The following MAPKBP1 variants were observed in gnomAD, a reference collection of about 807,000 sequenced individuals.
MAPKBP1 encodes the protein mitogen-activated protein kinase-binding protein 1.
A neutral mutation model predicts 170.5 loss-of-function variants in MAPKBP1; 71 were observed. That is an observed-to-expected ratio of 0.42 (90% CI 0.34 to 0.51). The LOEUF is 0.51. MAPKBP1 is among the 20% of genes least tolerant of loss of function. The pLI is 0.06. For synonymous variants in MAPKBP1, 719 were observed against 757.9 expected (o/e 0.95, Z 0.84); for missense variants, 1,598 against 1,933.0 (o/e 0.83, Z 3.25).
In MAPKBP1 at chr15:41,813,922, G is replaced by A. The variant is rs542206437; in HGVS notation, c.980+141G>A. 165 of 1,016,838 alleles carry A rather than the reference G, an allele frequency of 1.6e-4. No individual in the cohort carries two copies. The African/African-American group carries it at 2.5e-3, about 16-fold the overall frequency. The allele number at this position is 1,016,838 out of a possible 1,614,324, so 63.0% of individuals were successfully genotyped here. On this transcript the variant is annotated intron_variant, in intron 9 of 30. Transcript: ENST00000457542. ...ACACCTCTTTAGACAGAAGAATTTGGGTTTATTGGTACTTGTTGCAACCAA... is the reference window on the plus strand; with the variant it reads ...ACACCTCTTTAGACAGAAGAATTTGAGTTTATTGGTACTTGTTGCAACCAA...
chr15:41,811,277 G>A (rs770219758), intron 5 of MAPKBP1, 42 bp downstream of exon 5: 4 of 1,610,842 alleles, frequency 2.5e-6, no homozygotes, highest in Non-Finnish European at 3.4e-6. Context: ...AAGAGGGCAG[G>A]TGTCCTGGCC....
At chr15:41,816,352 A>G (rs1257219710) in intron 12 of MAPKBP1, 1 of 555,674 alleles carries the variant, frequency 1.8e-6, no homozygotes, top group Non-Finnish European at 3.2e-6. Flanking sequence ...CCTAGTTTTG[A>G]TAATTGCACT....
chr15:41,801,941 G>A (rs1477213852), intron 3 of MAPKBP1, among the ~76,000 whole-genome samples: 1 of 152,162 alleles, frequency 6.6e-6, no homozygotes, highest in African/African-American at 2.4e-5. Flanking sequence ...TCTGAGAAAT[G>A]TGTCATTTGG....
intron 3 of MAPKBP1, among the ~76,000 whole-genome samples, chr15:41,806,371 A>G (rs772177460): frequency 4.6e-5 from 7 of 152,168 alleles, no homozygotes; most frequent in Non-Finnish European, 8.8e-5. Flanking sequence ...CTGAAAGAAA[A>G]CAATTCAAAG....
chr15:41,807,882 T>TA (rs1567145729), intron 3 of MAPKBP1, among the ~76,000 whole-genome samples: 1 of 151,616 alleles, frequency 6.6e-6, no homozygotes, highest in Non-Finnish European at 1.5e-5. Context: ...ACTAAAAATA[T>TA]AAAAAAATTA....
At chr15:41,822,510 T>A in intron 26 of MAPKBP1, 83 bp from the exon 27 acceptor site, 4 of 1,604,898 alleles carry the variant, frequency 2.5e-6, no homozygotes, top group Non-Finnish European at 3.4e-6. Context: ...GGGTATAGGC[T>A]GTGGCTGGGG....
intron 12 of MAPKBP1, 194 bp from the exon 13 acceptor site, chr15:41,816,365 C>T (rs978184126): frequency 3.2e-5 from 18 of 566,634 alleles, no homozygotes; most frequent in East Asian, 1.1e-4. Flanking sequence ...ATTGCACTAT[C>T]GTTATGTAAG....
At chr15:41,787,915 C>G (rs1388939716) in intron 2 of MAPKBP1, among the ~76,000 whole-genome samples, 2 of 152,036 alleles carry the variant, frequency 1.3e-5, no homozygotes, top group African/African-American at 4.8e-5. Flanking sequence ...ATAAGATTAA[C>G]CAAAGAGTAT....
At position 41,826,843 on chromosome 15, in the gene MAPKBP1, T is replaced by G. The variant is rs1016447251; in HGVS notation, c.*1407T>G. The G allele has an allele frequency of 6.6e-6, 1 of 151,976 alleles. No homozygotes were observed. The highest frequency in any genetic ancestry group is 1.5e-5 in the Non-Finnish European group (1 of 67,990). 9.4% of individuals were successfully genotyped at this position (151,976 alleles called of 1,614,324 possible). ...AGATAGGGGACCCTAGGAGGTAGAG[T>G]GGGACCATGTCGTGAGGCAGTTGAA... On this transcript the variant is annotated 3_prime_UTR_variant, in exon 31 of 31. Coordinates refer to ENST00000457542, the MANE Select transcript of MAPKBP1 (RefSeq NM_014994.3).
chr15:41,817,223 C>A lies in MAPKBP1; in HGVS notation c.1712-165C>A, dbSNP rs1017922251. Among the ~76,000 whole-genome samples, 6 of 152,160 alleles carry A rather than the reference C, an allele frequency of 3.9e-5. No homozygotes were observed. Among genetic ancestry groups the A allele is most frequent in the African/African-American group, 1.4e-4 (6 of 41,426 alleles). On this transcript the variant is annotated intron_variant, in intron 14 of 30. Coordinates refer to ENST00000457542, the MANE Select transcript of MAPKBP1 (RefSeq NM_014994.3). The surrounding 1 kb of genome is among the most constrained non-coding windows in gnomAD (Gnocchi z 4.2). ...TGGGACTTGAGCCAACCAGGTTGGACTGAGGATAAGGAGACAGGAAAACCT... is the reference window on the plus strand; with the variant it reads ...TGGGACTTGAGCCAACCAGGTTGGAATGAGGATAAGGAGACAGGAAAACCT...
In MAPKBP1 at chr15:41,820,900, C is replaced by T; in HGVS notation, c.2550C>T (p.Arg850=). ...ACCCAGGACCCAGAAGAAGAGGGCG[C>T]TGGGTTCAGCCAGGTGTGGAACTGA... ...AANPGPRRRG[R]WVQPGVELSV... is the part of the protein sequence containing the mutation. The change falls in exon 23 of 31, where the codon CGC becomes CGT. Residue 850 remains arginine (R), a synonymous_variant. Coordinates refer to ENST00000457542, the MANE Select transcript of MAPKBP1 (RefSeq NM_014994.3). 1 of 1,614,162 alleles carries T rather than the reference C, an allele frequency of 6.2e-7. No homozygotes were observed. Among genetic ancestry groups the T allele is most frequent in the Non-Finnish European group, 8.5e-7 (1 of 1,180,018 alleles).
intron 4 of MAPKBP1, 61 bp downstream of exon 4, chr15:41,811,006 T>G: frequency 6.3e-7 from 1 of 1,595,512 alleles, no homozygotes; most frequent in Non-Finnish European, 8.6e-7. Context: ...AAGGGCACTG[T>G]CTAGAGTCTC....
chr15:41,814,255 T>C (rs2064852577), intron 9 of MAPKBP1, among the ~76,000 whole-genome samples: 1 of 152,228 alleles, frequency 6.6e-6, no homozygotes, highest in Non-Finnish European at 1.5e-5. Context: ...TGATCTTGTT[T>C]TTATCTGTGC....
intron 2 of MAPKBP1, among the ~76,000 whole-genome samples, chr15:41,782,309 A>C (rs900237923): frequency 1.3e-5 from 2 of 151,604 alleles, no homozygotes; most frequent in African/African-American, 4.8e-5. Context: ...AAGAGAGTGT[A>C]CAAATATAAT....
chr15:41,823,360 G>T, intron 28 of MAPKBP1, 87 bp from the exon 29 acceptor site: 1 of 1,548,442 alleles, frequency 6.5e-7, no homozygotes, highest in Non-Finnish European at 8.7e-7. Context: ...CATGTGGAGG[G>T]GAACAGCAGC....
intron 2 of MAPKBP1, among the ~76,000 whole-genome samples, chr15:41,790,748 C>G (rs1316290943): frequency 1.3e-5 from 2 of 152,178 alleles, no homozygotes; most frequent in African/African-American, 4.8e-5. Context: ...AGAGACTAGA[C>G]CCAAGGTCTG....
chr15:41,805,311 T>G (rs1358797775), intron 3 of MAPKBP1, among the ~76,000 whole-genome samples: 1 of 152,150 alleles, frequency 6.6e-6, no homozygotes, highest in Non-Finnish European at 1.5e-5. Context: ...GACAGCCCCT[T>G]TGAGAGACTT....
rs140684640 is a variant in MAPKBP1, at chr15:41,823,854, G to A, written c.4006G>A (p.Glu1336Lys). The change falls in exon 29 of 31, where the codon GAG (glutamate) becomes AAG (lysine). Residue 1336 changes from glutamate to lysine, a missense_variant. Physicochemically the swap from Glu to Lys is moderately conservative, Grantham distance 56. Around this residue, in one of 6 missense-constraint regions of MAPKBP1, gnomAD observed 942 missense variants for 953.2 expected, o/e 0.99. Coordinates refer to ENST00000457542, the MANE Select transcript of MAPKBP1 (RefSeq NM_014994.3). ...CCTAGGAAAAGCTCACAGTACAACTGAGAGATGGGCCTGTTTGGGGGAGGG... is the reference window on the plus strand; with the variant it reads ...CCTAGGAAAAGCTCACAGTACAACTAAGAGATGGGCCTGTTTGGGGGAGGG... The part of the protein sequence containing the change: ...VGLGKAHSTT[E>K]RWACLGEGTT... The A allele has an allele frequency of 6.2e-7, 1 of 1,614,108 alleles. No homozygotes were observed. The highest frequency in any genetic ancestry group is 8.5e-7 in the Non-Finnish European group (1 of 1,180,050).
rs367766775 is a variant in MAPKBP1, at chr15:41,817,500, G to T, written c.1782+42G>T. 1.4e-5 allele frequency: 22 copies of T among 1,613,268 alleles called. No homozygotes were observed. The highest frequency in any genetic ancestry group is 1.5e-5 in the Non-Finnish European group (18 of 1,179,262). ...TTCCTGAGAGGGGCGGGACAGGGCG[G>T]GGTCTGCCATTCCCTGCCTAAGGTT... On this transcript the variant is annotated intron_variant, in intron 15 of 30. Coordinates refer to ENST00000457542, the MANE Select transcript of MAPKBP1 (RefSeq NM_014994.3). This position sits in a 1 kb window ranked among gnomAD's most constrained non-coding sequence, Gnocchi z 4.2.
Sources: gnomAD v4.1 joint callset for allele counts (sites outside exome capture counted in the v4.1 genomes callset) on GRCh38, gnomAD v4.1.1 for gene constraint, gnomAD v4.1.1 regional missense constraint, Gnocchi (gnomAD v3.1) non-coding constraint, MANE v1.5 for transcripts, NCBI Gene and HGNC (gene_info 2026-07-23, HGNC 2026-07-21) for gene names.